LANCL1: variants seen among roughly 807,000 people sequenced by gnomAD.
LANCL1 encodes LanC like glutathione S-transferase 1, also known as glutathione S-transferase LANCL1.
Under a neutral mutation model 50.6 loss-of-function variants are expected in LANCL1, and 50 were observed. That is an observed-to-expected ratio of 0.99 (90% CI 0.79 to 1.25). The LOEUF (loss-of-function observed/expected upper bound fraction) is 1.25, where lower values mean the gene tolerates loss of function less well. LANCL1 is among the 50% of genes most tolerant of loss of function. The pLI, the probability that LANCL1 is intolerant of heterozygous loss-of-function variation, is 0.00. For missense variants in LANCL1, 532 were observed against 480.7 expected, an observed-to-expected ratio of 1.11 and a Z score of -1.00; for synonymous variants, 188 against 178.6, an observed-to-expected ratio of 1.05 and a Z score of -0.42.
At chr2:210,461,271 C>T (rs528594208) in intron 3 of LANCL1, among the ~76,000 whole-genome samples, 1 of 152,070 alleles carries the variant, frequency 6.6e-6, no homozygotes, top group Non-Finnish European at 1.5e-5. Context: ...TAAATCCATG[C>T]CCATAGCTCT....
rs953100191 is a variant in LANCL1, at chr2:210,476,633, C to T, written c.-30G>A. The T allele has an allele frequency of 4.7e-6, 6 of 1,286,636 alleles. No homozygotes were observed. Among genetic ancestry groups the T allele is most frequent in the Non-Finnish European group, 5.9e-6 (6 of 1,015,926 alleles). The allele number at this position is 1,286,636 out of a possible 1,614,324, so 79.7% of individuals were successfully genotyped here. ...CCCTTAACCCACCCGGACAAAGAGG[C>T]CCCGTTTTGCAACCCCGTTCCCACG... On this transcript the variant is annotated 5_prime_UTR_variant, in exon 1 of 10. Coordinates refer to ENST00000450366, the MANE Select transcript of LANCL1 (RefSeq NM_006055.3).
intron 4 of LANCL1, among the ~76,000 whole-genome samples, chr2:210,446,383 T>C (rs1052613436): frequency 6.6e-6 from 1 of 151,996 alleles, no homozygotes; most frequent in African/African-American, 2.4e-5. Context: ...GGTAGATAAA[T>C]CCACGAAGAT....
chr2:210,434,713 T>C (rs566822242), intron 9 of LANCL1, 150 bp from the exon 10 acceptor site: 38 of 637,604 alleles, frequency 6.0e-5, no homozygotes, highest in Non-Finnish European at 9.8e-5. Context: ...TGCCCACCAG[T>C]GATGGCCTCG....
intron 4 of LANCL1, among the ~76,000 whole-genome samples, chr2:210,444,463 A>G (rs1473429734): frequency 1.3e-5 from 2 of 152,350 alleles, no homozygotes; most frequent in African/African-American, 4.8e-5. Context: ...GTTATGAAAG[A>G]AAGACTGAGA....
chr2:210,471,622 T>G (rs763396308), intron 3 of LANCL1: 63 of 487,602 alleles, frequency 1.3e-4, no homozygotes, highest in South Asian at 9.1e-4. Flanking sequence ...CATTGTATTT[T>G]GGAACTCTTC....
chr2:210,469,167 T>C (rs1475918933), intron 3 of LANCL1: 6 of 152,206 alleles, frequency 3.9e-5, no homozygotes, highest in Non-Finnish European at 7.3e-5. Flanking sequence ...TATGTAAACA[T>C]TGCTTTGACA....
rs1470973009 is a variant in LANCL1, at chr2:210,467,263, A to G, written c.199+4696T>C. Among the ~76,000 whole-genome samples the G allele has an allele frequency of 1.3e-5, 2 of 152,242 alleles. 1 individual carries two copies. The highest frequency in any genetic ancestry group is 2.9e-5 in the Non-Finnish European group (2 of 68,038). ...ATTGCCAACGTACAGATATTTTTAG[A>G]GAAATGAAAAAGCAAAAACGTCCGA... is the stretch of plus-strand genomic sequence containing the variant. On this transcript the variant is annotated intron_variant, in intron 3 of 9. Transcript: ENST00000450366.
intron 3 of LANCL1, among the ~76,000 whole-genome samples, chr2:210,460,219 C>T (rs1693809523): frequency 6.6e-6 from 1 of 152,162 alleles, no homozygotes; most frequent in Admixed American, 6.5e-5. Context: ...TACTTTAGCT[C>T]TGTGAGGCAT....
chr2:210,465,171 A>G (rs949632882), intron 3 of LANCL1, among the ~76,000 whole-genome samples: 1 of 152,218 alleles, frequency 6.6e-6, no homozygotes, highest in African/African-American at 2.4e-5. Flanking sequence ...ATAACATGTG[A>G]TGTGAATTAT....
Position 210,459,652 on chromosome 2 carries a change from T to C in LANCL1, c.200-4338A>G, listed in dbSNP as rs1693784023. On this transcript the variant is annotated intron_variant, in intron 3 of 9. Coordinates refer to ENST00000450366, the MANE Select transcript of LANCL1 (RefSeq NM_006055.3). ...CTCTGAAGACCAGGAATAGATGTCA[T>C]TCCGTACAAGAAGTTCAGGAAGTCT... Among the ~76,000 whole-genome samples the C allele has an allele frequency of 1.3e-5, 2 of 152,118 alleles. 1 individual carries two copies. Among genetic ancestry groups the C allele is most frequent in the Admixed American group, 1.3e-4 (2 of 15,268 alleles).
chr2:210,467,756 C>T (rs1350678940), intron 3 of LANCL1, among the ~76,000 whole-genome samples: 1 of 152,172 alleles, frequency 6.6e-6, no homozygotes, highest in Admixed American at 6.5e-5. Context: ...ACATTAAACA[C>T]ATGAATGTGT....
chr2:210,440,094 T>C (rs904652884), intron 6 of LANCL1, among the ~76,000 whole-genome samples: 2 of 152,206 alleles, frequency 1.3e-5, no homozygotes, highest in Non-Finnish European at 2.9e-5. Flanking sequence ...CCAAGAACTG[T>C]AGGGCAGAGC....
intron 3 of LANCL1, among the ~76,000 whole-genome samples, chr2:210,458,322 G>A (rs1693728686): frequency 6.6e-6 from 1 of 152,190 alleles, no homozygotes; most frequent in Non-Finnish European, 1.5e-5. Flanking sequence ...TCTTCTCAAA[G>A]CTAGAGAGGC....
chr2:210,443,456 T>C (rs1042126707), intron 4 of LANCL1, among the ~76,000 whole-genome samples: 1 of 152,206 alleles, frequency 6.6e-6, no homozygotes, highest in Non-Finnish European at 1.5e-5. Context: ...AATGAAACTC[T>C]GGAAGAAAGT....
At chr2:210,474,093 A>C (rs1035271203) in intron 2 of LANCL1, among the ~76,000 whole-genome samples, 4 of 152,216 alleles carry the variant, frequency 2.6e-5, no homozygotes, top group African/African-American at 9.6e-5. Flanking sequence ...AATAAAGGTG[A>C]CCTCTGTGAG....
chr2:210,435,230 G>A (rs561604851), intron 9 of LANCL1, among the ~76,000 whole-genome samples, 157 bp downstream of exon 9: 7 of 152,206 alleles, frequency 4.6e-5, no homozygotes, highest in African/African-American at 1.4e-4. Context: ...TATTACATGT[G>A]CTAATTGATT....
intron 3 of LANCL1, among the ~76,000 whole-genome samples, chr2:210,463,721 G>C (rs1693949571): frequency 6.6e-6 from 1 of 152,194 alleles, no homozygotes; most frequent in African/African-American, 2.4e-5. Context: ...TCCTGAATGA[G>C]CATGAGAGAG....
intron 4 of LANCL1, among the ~76,000 whole-genome samples, chr2:210,447,016 C>A (rs1375408204): frequency 6.6e-6 from 1 of 152,112 alleles, no homozygotes; most frequent in Admixed American, 6.5e-5. Context: ...CAAAGATACT[C>A]CTTGAGAAGA....
At chr2:210,456,356 T>A (rs181787040) in intron 3 of LANCL1, among the ~76,000 whole-genome samples, 3 of 152,320 alleles carry the variant, frequency 2.0e-5, no homozygotes, top group African/African-American at 7.2e-5. Flanking sequence ...CAATTTTAAA[T>A]TTAGATAGTT....
Sources: gnomAD v4.1 joint callset for allele counts (sites outside exome capture counted in the v4.1 genomes callset) on GRCh38, gnomAD v4.1.1 for gene constraint, MANE v1.5 for transcripts, NCBI Gene and HGNC (gene_info 2026-07-23, HGNC 2026-07-21) for gene names.